The following CSMD1 variants were observed in gnomAD, a reference collection of about 807,000 sequenced individuals.
CSMD1 encodes CUB and sushi domain-containing protein 1.
In CSMD1, 213 loss-of-function variants were observed where a neutral mutation model predicts 417.5. The observed-to-expected ratio is 0.51, with a 90% confidence interval of 0.46 to 0.57. The LOEUF (loss-of-function observed/expected upper bound fraction) is 0.57. Among genes scored for constraint, CSMD1 ranks in the 20% least tolerant of loss-of-function variants. CSMD1 has a pLI of 0.00. For synonymous variants in CSMD1, 2,862 were observed against 1,736.8 expected (o/e 1.65, Z -16.11); for missense variants, 6,923 against 4,529.7 (o/e 1.53, Z -15.17).
chr8:3,441,352 C>T (rs1814972553), intron 12 of CSMD1, among the ~76,000 whole-genome samples: 4 of 152,016 alleles, frequency 2.6e-5, no homozygotes, highest in Non-Finnish European at 4.4e-5. Flanking sequence ...TTGTCAAATG[C>T]TTTTTGTGCA....
intron 2 of CSMD1, among the ~76,000 whole-genome samples, chr8:4,630,547 CTAATT>C (rs1214519331): frequency 4.7e-4 from 71 of 152,108 alleles, no homozygotes; most frequent in African/African-American, 1.7e-3. Context: ...CTAGGGGTCA[CTAATT>C]TAAAGCATAT....
intron 2 of CSMD1, among the ~76,000 whole-genome samples, chr8:4,517,000 C>G (rs78017716): frequency 0.024 from 3,589 of 152,214 alleles, 144 homozygotes; most frequent in African/African-American, 0.082. Flanking sequence ...TGTTAACGGA[C>G]TATATCAGAT....
chr8:3,185,046 C>T (rs1342037467), intron 36 of CSMD1, among the ~76,000 whole-genome samples: 4 of 152,142 alleles, frequency 2.6e-5, no homozygotes, highest in East Asian at 3.9e-4. Context: ...TCTCAAGTTC[C>T]GTGAGGTACT....
rs71207090 is a variant in CSMD1, at chr8:4,453,216, G to GACACACACAC, written c.303-33161_303-33152dup. On this transcript the variant is annotated intron_variant, in intron 2 of 69. Transcript: ENST00000635120. ...ACACACCCACACAGACACACACAGA[G>GACACACACAC]ACACACACACACACACACACACACA... 6.2e-3 allele frequency among the ~76,000 whole-genome samples: 922 copies of GACACACACAC among 149,206 alleles called. 10 individuals are homozygous for GACACACACAC. Among genetic ancestry groups the GACACACACAC allele is most frequent in the African/African-American group, 0.021 (855 of 40,314 alleles).
intron 49 of CSMD1, among the ~76,000 whole-genome samples, chr8:3,072,690 G>C (rs958470254): frequency 6.6e-5 from 10 of 152,172 alleles, no homozygotes; most frequent in African/African-American, 2.4e-4. Flanking sequence ...AGATGTGGCA[G>C]AGAAACGATG....
At chr8:3,028,705 G>A (rs894265975) in intron 51 of CSMD1, among the ~76,000 whole-genome samples, 20 of 152,118 alleles carry the variant, frequency 1.3e-4, no homozygotes, top group African/African-American at 4.1e-4. Context: ...TTACCAAGCT[G>A]TGTATTTTAT....
chr8:3,739,752 G>C (rs1473865790), intron 6 of CSMD1, among the ~76,000 whole-genome samples: 1 of 151,846 alleles, frequency 6.6e-6, no homozygotes, highest in Non-Finnish European at 1.5e-5. Context: ...CACAAAAATA[G>C]CAACAGATGC....
At chr8:4,393,585 G>C (rs1434697427) in intron 3 of CSMD1, among the ~76,000 whole-genome samples, 1 of 152,098 alleles carries the variant, frequency 6.6e-6, no homozygotes, top group African/African-American at 2.4e-5. Flanking sequence ...TCTGACTCTC[G>C]TTTCCAATTA....
intron 3 of CSMD1, among the ~76,000 whole-genome samples, chr8:4,159,607 G>C (rs1443675147): frequency 6.6e-6 from 1 of 152,032 alleles, no homozygotes; most frequent in Non-Finnish European, 1.5e-5. Context: ...TTATTATTGT[G>C]AGACAGAGTC....
At chr8:3,700,946 G>A (rs1216925857) in intron 7 of CSMD1, among the ~76,000 whole-genome samples, 1 of 152,002 alleles carries the variant, frequency 6.6e-6, no homozygotes, top group Admixed American at 6.6e-5. Flanking sequence ...CTTTGTCAGG[G>A]CAGGGAGAGG....
chr8:3,365,735 C>T (rs779860996), intron 20 of CSMD1, among the ~76,000 whole-genome samples: 4 of 152,142 alleles, frequency 2.6e-5, no homozygotes, highest in South Asian at 2.1e-4. Context: ...GTTTTTGGGG[C>T]GTCAAGAGTT....
intron 1 of CSMD1, among the ~76,000 whole-genome samples, chr8:4,642,759 T>C (rs547272105): frequency 1.3e-5 from 2 of 152,328 alleles, no homozygotes; most frequent in Admixed American, 1.3e-4. Flanking sequence ...AAATAATTAC[T>C]TGGGTAATGC....
At chr8:4,832,885 G>T (rs1800236574) in intron 1 of CSMD1, among the ~76,000 whole-genome samples, 1 of 152,064 alleles carries the variant, frequency 6.6e-6, no homozygotes, top group South Asian at 2.1e-4. Context: ...CTAGATAACA[G>T]AAAGCTCCGA....
intron 10 of CSMD1, among the ~76,000 whole-genome samples, chr8:3,512,878 G>A (rs1797135473): frequency 6.6e-6 from 1 of 152,050 alleles, no homozygotes; most frequent in Admixed American, 6.5e-5. Context: ...TTACAGGTGT[G>A]AGCCACTGCA....
intron 1 of CSMD1, among the ~76,000 whole-genome samples, chr8:4,653,562 A>C (rs1804042742): frequency 6.6e-6 from 1 of 152,056 alleles, no homozygotes; most frequent in African/African-American, 2.4e-5. Flanking sequence ...TTGTTTCAAA[A>C]TGGAAAGTTT....
chr8:3,908,150 T>A (rs1808232702), intron 5 of CSMD1, among the ~76,000 whole-genome samples: 1 of 152,186 alleles, frequency 6.6e-6, no homozygotes, highest in African/African-American at 2.4e-5. Flanking sequence ...GCAATCACTA[T>A]AAACCTGCAT....
intron 1 of CSMD1, among the ~76,000 whole-genome samples, chr8:4,638,740 G>C (rs1018337453): frequency 1.3e-5 from 2 of 152,154 alleles, no homozygotes; most frequent in African/African-American, 4.8e-5. Flanking sequence ...AGGTGGAATT[G>C]GGATCACCCT....
intron 2 of CSMD1, among the ~76,000 whole-genome samples, chr8:4,446,920 A>G (rs1383305120): frequency 6.7e-6 from 1 of 149,868 alleles, no homozygotes; most frequent in African/African-American, 2.5e-5. Context: ...TGCGCCTGGC[A>G]GAGACCGTGT....
chr8:4,564,689 G>T (rs1366441863), intron 2 of CSMD1, among the ~76,000 whole-genome samples: 1 of 152,154 alleles, frequency 6.6e-6, no homozygotes, highest in Non-Finnish European at 1.5e-5. Flanking sequence ...ACCTGAGTAA[G>T]CTAACAATGA....
Sources: gnomAD v4.1 joint callset for allele counts (sites outside exome capture counted in the v4.1 genomes callset) on GRCh38, gnomAD v4.1.1 for gene constraint, MANE v1.5 for transcripts, NCBI Gene and HGNC (gene_info 2026-07-23, HGNC 2026-07-21) for gene names.